SEZ6: variants seen among roughly 807,000 people sequenced by gnomAD.
The protein encoded by SEZ6 is seizure protein 6 homolog.
SEZ6 carries 53 observed loss-of-function variants against 101.0 expected under a neutral mutation model. The ratio of observed to expected loss-of-function variants is 0.52; its 90% CI spans 0.42 to 0.66. SEZ6 has a LOEUF of 0.66. SEZ6 is among the 30% of genes least tolerant of loss of function. SEZ6 has a pLI of 0.00. For synonymous variants in SEZ6, 488 were observed against 512.2 expected, an observed-to-expected ratio of 0.95 and a Z score of 0.64; for missense variants, 1,102 against 1,289.4, an observed-to-expected ratio of 0.85 and a Z score of 2.23.
chr17:28,958,137 C>T lies in SEZ6; in HGVS notation c.2112G>A (p.Val704=), dbSNP rs771223950. ...GCTCCGGACATGTGTCATTGCGGGG[C>T]ACCTCTGGGGGCACAGAGGCACAAG... The part of the protein sequence containing the change: ...QQGFVIHFFE[V]PRNDTCPELP... The change falls in exon 11 of 17, where the codon GTG becomes GTA. Residue 704 remains valine, a synonymous_variant. Coordinates refer to ENST00000317338, the MANE Select transcript of SEZ6 (RefSeq NM_178860.5). 1 of 1,590,982 alleles carries T rather than the reference C, an allele frequency of 6.3e-7. No homozygotes were observed. The highest frequency in any genetic ancestry group is 8.6e-7 in the Non-Finnish European group (1 of 1,162,252).
chr17:28,957,850 G>T, intron 11 of SEZ6, 97 bp downstream of exon 11: 1 of 1,364,510 alleles, frequency 7.3e-7, no homozygotes, highest in Non-Finnish European at 1.0e-6. Context: ...GAACTTTGAA[G>T]ATACTAGCTA....
rs550278907 is a variant in SEZ6 at position 29,004,783 on chromosome 17, G to C, written c.55+1032C>G. Reference sequence around the variant, plus strand: ...CTACTGCAGCGGGAGAAGGACGTGGGTGCCAGTAGCTTCCATGAGAGCTTG... The same window carrying C: ...CTACTGCAGCGGGAGAAGGACGTGGCTGCCAGTAGCTTCCATGAGAGCTTG... On this transcript the variant is annotated intron_variant, in intron 1 of 16. Coordinates refer to ENST00000317338, the MANE Select transcript of SEZ6 (RefSeq NM_178860.5). 2.5e-3 allele frequency among the ~76,000 whole-genome samples: 375 copies of C among 152,288 alleles called. 1 individual carries two copies. Among genetic ancestry groups the C allele is most frequent in the African/African-American group, 8.3e-3 (346 of 41,570 alleles).
chr17:28,958,039 TG>T lies in SEZ6; in HGVS notation c.2209del (p.Gln737SerfsTer8). On this transcript the variant is annotated frameshift_variant, in exon 11 of 17. Coordinates refer to ENST00000317338, the MANE Select transcript of SEZ6 (RefSeq NM_178860.5). LOFTEE classifies it high-confidence loss of function. The part of the protein sequence containing the change: ...ELVHGTVVTY[Q>X]CYPGYQVVGS... ...CACTACCTGGTAGCCAGGGTAGCACTGGTAAGTGACCACGGTGCCGTGCACT... is the reference window on the plus strand; with the variant it reads ...CACTACCTGGTAGCCAGGGTAGCACTGTAAGTGACCACGGTGCCGTGCACT... 1 of 1,613,890 alleles carries T rather than the reference TG, an allele frequency of 6.2e-7. No individual in the cohort carries two copies. The highest frequency in any genetic ancestry group is 8.5e-7 in the Non-Finnish European group (1 of 1,179,802).
intron 1 of SEZ6, among the ~76,000 whole-genome samples, chr17:28,995,104 A>G (rs956306642): frequency 1.3e-5 from 2 of 151,564 alleles, no homozygotes; most frequent in African/African-American, 4.9e-5. Context: ...CGATCTCCTG[A>G]CCTCGTGACC....
chr17:28,965,417 T>C (rs2041049396), intron 4 of SEZ6, among the ~76,000 whole-genome samples: 1 of 151,904 alleles, frequency 6.6e-6, no homozygotes, highest in Non-Finnish European at 1.5e-5. Context: ...GGTGGGAGGA[T>C]TGCTTGAGGC....
chr17:28,958,183 C>G, intron 10 of SEZ6, 42 bp from the exon 11 acceptor site: 1 of 1,551,404 alleles, frequency 6.4e-7, no homozygotes, highest in Non-Finnish European at 8.8e-7. Context: ...TCGGCCAGCA[C>G]CAAAGTGACT....
At position 28,961,570 on chromosome 17, in the gene SEZ6, C is replaced by T. The variant is rs547252982; in HGVS notation, c.1241-597G>A. Among the ~76,000 whole-genome samples the T allele has an allele frequency of 1.5e-3, 230 of 152,302 alleles. 1 individual carries two copies. The highest frequency in any genetic ancestry group is 6.8e-3 in the Middle Eastern group (2 of 294). Reference sequence around the variant, plus strand: ...GCAAACACCTGATGTGCATGCCATCCGCCCCGGCCTCACTACCACTGCCGT... The same window carrying T: ...GCAAACACCTGATGTGCATGCCATCTGCCCCGGCCTCACTACCACTGCCGT... On this transcript the variant is annotated intron_variant, in intron 5 of 16. Coordinates refer to ENST00000317338, the MANE Select transcript of SEZ6 (RefSeq NM_178860.5).
In SEZ6 at chr17:28,959,006, G is replaced by A. The variant is rs375097755; in HGVS notation, c.2107+19C>T. 50 of 1,597,706 alleles carry A rather than the reference G, an allele frequency of 3.1e-5. No individual in the cohort carries two copies. In the East Asian group the frequency reaches 3.6e-4, roughly 11 times the overall value. On this transcript the variant is annotated intron_variant, in intron 10 of 16. Transcript: ENST00000317338. This position sits in a 1 kb window ranked among gnomAD's most constrained non-coding sequence, Gnocchi z 4.4. Reference sequence around the variant, plus strand: ...ATGGCTTGCTGTCTGCACTCTGAGTGGGGTAGGGACAAGCTCACCAAAGAA... The same window carrying A: ...ATGGCTTGCTGTCTGCACTCTGAGTAGGGTAGGGACAAGCTCACCAAAGAA...
At chr17:28,987,706 T>G (rs2041402482) in intron 1 of SEZ6, among the ~76,000 whole-genome samples, 1 of 152,144 alleles carries the variant, frequency 6.6e-6, no homozygotes, top group Non-Finnish European at 1.5e-5. Flanking sequence ...ACTTACTCGG[T>G]GCCCACTGTG....
At chr17:29,000,394 C>A (rs1215809522) in intron 1 of SEZ6, among the ~76,000 whole-genome samples, 1 of 152,218 alleles carries the variant, frequency 6.6e-6, no homozygotes, top group East Asian at 1.9e-4. Context: ...CAACTAATAT[C>A]TTACTGCGAG....
At chr17:28,986,721 T>C (rs1360492798) in intron 1 of SEZ6, among the ~76,000 whole-genome samples, 1 of 152,224 alleles carries the variant, frequency 6.6e-6, no homozygotes, top group Non-Finnish European at 1.5e-5. Flanking sequence ...CCAGAAAGCC[T>C]TGGGTTCCAA....
Position 28,955,286 on chromosome 17 carries a change from A to T in SEZ6, c.*676T>A, listed in dbSNP as rs1345941158. On this transcript the variant is annotated 3_prime_UTR_variant, in exon 17 of 17. Transcript: ENST00000317338. ...CAGGGTATAGGGTGGTCAGTGGAAA[A>T]TGGCGTGTCCTGCTTTGGTGTGGAG... The T allele has an allele frequency of 4.6e-6, 1 of 216,960 alleles. No individual in the cohort carries two copies. The allele number at this position is 216,960 out of a possible 1,614,324, so 13.4% of individuals were successfully genotyped here.
intron 4 of SEZ6, among the ~76,000 whole-genome samples, chr17:28,966,644 G>T (rs2041073597): frequency 1.3e-5 from 2 of 152,294 alleles, no homozygotes; most frequent in South Asian, 4.1e-4. Context: ...TTGGGGTAGG[G>T]GGCAGCCCCA....
intron 1 of SEZ6, among the ~76,000 whole-genome samples, chr17:28,992,474 G>T (rs1057026735): frequency 1.3e-5 from 2 of 152,168 alleles, no homozygotes; most frequent in East Asian, 3.8e-4. Flanking sequence ...TCACTACCAT[G>T]TGTCCCTGCC....
intron 5 of SEZ6, among the ~76,000 whole-genome samples, chr17:28,963,185 T>G (rs1025269819): frequency 6.6e-6 from 1 of 151,596 alleles, no homozygotes; most frequent in African/African-American, 2.4e-5. Flanking sequence ...ACACTGAGTC[T>G]TCCTTTCTCC....
intron 4 of SEZ6, among the ~76,000 whole-genome samples, chr17:28,964,981 G>A (rs1264521557): frequency 6.6e-6 from 1 of 151,842 alleles, no homozygotes; most frequent in Admixed American, 6.6e-5. Context: ...GCTTGAACCC[G>A]GGAGGTGGAG....
chr17:28,968,422 CAGAG>C (rs946824693), intron 4 of SEZ6, among the ~76,000 whole-genome samples: 1 of 152,202 alleles, frequency 6.6e-6, no homozygotes, highest in African/African-American at 2.4e-5. Flanking sequence ...TCTGGCCCGA[CAGAG>C]AGGAGGTCCG....
chr17:28,957,044 C>A lies in SEZ6; in HGVS notation c.2692+1G>T. On this transcript the variant is annotated splice_donor_variant, in intron 13 of 16. Transcript: ENST00000317338. LOFTEE classifies it high-confidence loss of function. ...GTTTTGAGGGGTGACAGGGCACTCA[C>A]CAGCCCTACAGATGGGTGGGGGGTC... is the stretch of plus-strand genomic sequence containing the variant. 6.9e-6 allele frequency: 11 copies of A among 1,583,810 alleles called. No individual in the cohort carries two copies. Among genetic ancestry groups the A allele is most frequent in the Non-Finnish European group, 9.5e-6 (11 of 1,161,652 alleles).
At chr17:28,996,595 G>C (rs544704041) in intron 1 of SEZ6, among the ~76,000 whole-genome samples, 2 of 152,280 alleles carry the variant, frequency 1.3e-5, no homozygotes, top group East Asian at 3.9e-4. Context: ...AGACCAGCCT[G>C]GGCTGGGGCC....
Sources: allele counts gnomAD v4.1 joint callset (sites outside exome capture counted in the v4.1 genomes callset), GRCh38; gene constraint gnomAD v4.1.1; non-coding constraint Gnocchi (gnomAD v3.1); transcripts MANE v1.5; gene names NCBI Gene and HGNC (gene_info 2026-07-23, HGNC 2026-07-21).